The following MKLN1 variants were observed in gnomAD, a reference collection of about 807,000 sequenced individuals.
MKLN1 encodes muskelin.
Under a neutral mutation model 99.0 loss-of-function variants are expected in MKLN1, and 18 were observed. The observed-to-expected ratio is 0.18, with a 90% CI of 0.13 to 0.27. The LOEUF is 0.27. MKLN1 is among the 10% of genes least tolerant of loss of function. The probability of loss-of-function intolerance (pLI) is 1.00; values close to 1 mark genes in which losing one functional copy is unlikely to be tolerated. For missense variants in MKLN1, 621 were observed against 875.9 expected (o/e 0.71, Z 3.67); for synonymous variants, 288 against 293.2 (o/e 0.98, Z 0.18).
chr7:131,449,965 G>A (rs961314330), intron 12 of MKLN1, among the ~76,000 whole-genome samples: 1 of 152,136 alleles, frequency 6.6e-6, no homozygotes, highest in Admixed American at 6.5e-5. Flanking sequence ...AGTTTCGACT[G>A]GTGTTACTGT....
intron 3 of MKLN1, among the ~76,000 whole-genome samples, chr7:131,291,557 A>G (rs1280973596): frequency 7.0e-6 from 1 of 142,284 alleles, no homozygotes; most frequent in African/African-American, 2.6e-5. Context: ...AATATATATA[A>G]CACAGAATAC....
At chr7:131,357,056 T>G (rs1799906210) in intron 1 of MKLN1, among the ~76,000 whole-genome samples, 1 of 152,236 alleles carries the variant, frequency 6.6e-6, no homozygotes, top group South Asian at 2.1e-4. Flanking sequence ...CTTACTGTAT[T>G]ACATTCATAT....
intron 2 of MKLN1, among the ~76,000 whole-genome samples, chr7:131,157,403 T>C (rs1795985507): frequency 6.6e-6 from 1 of 151,922 alleles, no homozygotes; most frequent in South Asian, 2.1e-4. Context: ...GTCTTAAAAA[T>C]AAAAAAATTC....
intron 2 of MKLN1, among the ~76,000 whole-genome samples, chr7:131,382,891 T>C (rs1341132179): frequency 6.6e-6 from 1 of 151,782 alleles, no homozygotes; most frequent in Non-Finnish European, 1.5e-5. Context: ...GCCCGGCTAA[T>C]TTTTTGTATT....
intron 12 of MKLN1, among the ~76,000 whole-genome samples, chr7:131,449,750 C>T (rs1796125033): frequency 6.6e-6 from 1 of 151,990 alleles, no homozygotes; most frequent in African/African-American, 2.4e-5. Context: ...AACTTTCTCT[C>T]TCCTAGAGGA....
At position 131,488,539 on chromosome 7, in the gene MKLN1, C is replaced by A. The variant is rs1262160776; in HGVS notation, c.*811C>A. On this transcript the variant is annotated 3_prime_UTR_variant, in exon 18 of 18. Transcript: ENST00000352689. Reference sequence around the variant, plus strand: ...TTTTTAAGAGCCATTCTAAAAGTGACCAGCAGGAGGGATCTAGTAGTGAAT... The same window carrying A: ...TTTTTAAGAGCCATTCTAAAAGTGAACAGCAGGAGGGATCTAGTAGTGAAT... 6.6e-5 allele frequency: 10 copies of A among 152,350 alleles called. No individual in the cohort carries two copies. Among genetic ancestry groups the A allele is most frequent in the African/African-American group, 2.2e-4 (9 of 41,334 alleles). 9.4% of individuals were successfully genotyped at this position (152,350 alleles called of 1,614,324 possible).
intron 4 of MKLN1, among the ~76,000 whole-genome samples, chr7:131,394,504 A>G (rs1400287190): frequency 6.6e-6 from 1 of 152,020 alleles, no homozygotes; most frequent in Non-Finnish European, 1.5e-5. Flanking sequence ...TTGAGAATCT[A>G]ATGCCAACGC....
intron 3 of MKLN1, among the ~76,000 whole-genome samples, chr7:131,316,518 T>C (rs1275133415): frequency 1.3e-5 from 2 of 152,056 alleles, no homozygotes; most frequent in Non-Finnish European, 2.9e-5. Flanking sequence ...ACAAAAACAC[T>C]GAAAATTCCA....
intron 3 of MKLN1, among the ~76,000 whole-genome samples, chr7:131,290,119 A>C (rs563526188): frequency 3.5e-4 from 53 of 152,322 alleles, no homozygotes; most frequent in African/African-American, 1.2e-3. Flanking sequence ...CAGCCTGACC[A>C]ACATGGTGAA....
At chr7:131,169,696 A>G (rs1306783525) in intron 2 of MKLN1, among the ~76,000 whole-genome samples, 1 of 152,222 alleles carries the variant, frequency 6.6e-6, no homozygotes, top group Non-Finnish European at 1.5e-5. Flanking sequence ...GGAATGTATT[A>G]TCTAGTTAGG....
intron 2 of MKLN1, among the ~76,000 whole-genome samples, chr7:131,158,463 A>G (rs1027182606): frequency 6.6e-6 from 1 of 151,850 alleles, no homozygotes; most frequent in African/African-American, 2.4e-5. Context: ...CAAACTTCTT[A>G]TTAACCTGTG....
At chr7:131,394,455 T>G (rs1015711928) in intron 4 of MKLN1, among the ~76,000 whole-genome samples, 6 of 151,972 alleles carry the variant, frequency 3.9e-5, no homozygotes, top group Admixed American at 3.3e-4. Flanking sequence ...ACAACTTAGA[T>G]CCCTTGTATT....
At position 131,361,556 on chromosome 7, in the gene MKLN1, A is replaced by T. The variant is rs539656670; in HGVS notation, c.99-13868A>T. Among the ~76,000 whole-genome samples, 10 of 148,460 alleles carry T rather than the reference A, an allele frequency of 6.7e-5. No individual in the cohort carries two copies. The East Asian group carries it at 2.0e-3, about 29-fold the overall frequency. Reference sequence around the variant, plus strand: ...CACACTGTTTTTTCTTGCCTTATTTAGCATGCATTCCAGTTTTTTGTTTCT... The same window carrying T: ...CACACTGTTTTTTCTTGCCTTATTTTGCATGCATTCCAGTTTTTTGTTTCT... On this transcript the variant is annotated intron_variant, in intron 1 of 17. Coordinates refer to ENST00000352689, the MANE Select transcript of MKLN1 (RefSeq NM_013255.5).
intron 1 of MKLN1, among the ~76,000 whole-genome samples, chr7:131,124,080 C>T (rs555944156): frequency 6.6e-6 from 1 of 152,274 alleles, no homozygotes; most frequent in South Asian, 2.1e-4. Context: ...CTTCAGTTTC[C>T]TCTTTTTGAA....
At chr7:131,191,138 G>A (rs1249906658) in intron 2 of MKLN1, among the ~76,000 whole-genome samples, 1 of 152,218 alleles carries the variant, frequency 6.6e-6, no homozygotes, top group East Asian at 1.9e-4. Context: ...GGCAGCTGGA[G>A]GTGAGCCCCC....
rs1798775798 is a variant in MKLN1 at position 131,321,507 on chromosome 7, A to G, written c.-178-53917A>G. Reference sequence around the variant, plus strand: ...AACCTAGATGACAGTTGGTAAGTGTAGCACACCACCATGGCACAAGTATAT... The same window carrying G: ...AACCTAGATGACAGTTGGTAAGTGTGGCACACCACCATGGCACAAGTATAT... On this transcript the variant is annotated intron_variant, in intron 3 of 7. Coordinates refer to the MKLN1 transcript ENST00000416992. Among the ~76,000 whole-genome samples the G allele has an allele frequency of 3.3e-5, 5 of 152,226 alleles. No individual in the cohort carries two copies. The South Asian group carries it at 1.0e-3, about 32-fold the overall frequency.
chr7:131,463,493 GA>G (rs1187708369), intron 13 of MKLN1, 129 bp downstream of exon 13: 8 of 985,966 alleles, frequency 8.1e-6, no homozygotes, highest in Admixed American at 2.3e-5. Context: ...GTCAGTATTG[GA>G]AAAAAATCAA....
chr7:131,358,164 T>C (rs575329640), intron 1 of MKLN1, among the ~76,000 whole-genome samples: 3 of 152,292 alleles, frequency 2.0e-5, no homozygotes, highest in Admixed American at 6.5e-5. Context: ...CCATTAAATA[T>C]GATGTTAGTT....
intron 3 of MKLN1, among the ~76,000 whole-genome samples, chr7:131,246,676 C>A (rs1416882441): frequency 1.3e-5 from 2 of 149,848 alleles, no homozygotes; most frequent in Non-Finnish European, 3.0e-5. Flanking sequence ...TTTGTAGAGA[C>A]GGGGTTTTGC....
Sources: gnomAD v4.1 joint callset for allele counts (sites outside exome capture counted in the v4.1 genomes callset) on GRCh38, gnomAD v4.1.1 for gene constraint, MANE v1.5 for transcripts, NCBI Gene and HGNC (gene_info 2026-07-23, HGNC 2026-07-21) for gene names.